The following VPS13B variants were observed in gnomAD, a reference collection of about 807,000 sequenced individuals.
The protein encoded by VPS13B is vacuolar protein sorting 13 homolog B, also known as intermembrane lipid transfer protein VPS13B.
VPS13B carries 285 observed loss-of-function variants against 426.4 expected under a neutral mutation model. The ratio of observed to expected loss-of-function variants is 0.67; its 90% confidence interval spans 0.61 to 0.74. The LOEUF (loss-of-function observed/expected upper bound fraction) is 0.74. VPS13B is among the 30% of genes least tolerant of loss of function. The pLI, the probability that VPS13B is intolerant of heterozygous loss-of-function variation, is 0.00. For synonymous variants in VPS13B, 1,676 were observed against 1,676.4 expected (o/e 1.00, Z 0.01); for missense variants, 4,537 against 4,782.6 (o/e 0.95, Z 1.51).
intron 17 of VPS13B, among the ~76,000 whole-genome samples, chr8:99,219,772 A>G (rs546350953): frequency 2.0e-5 from 3 of 152,290 alleles, no homozygotes; most frequent in African/African-American, 4.8e-5. Context: ...CCACCTTCCA[A>G]TACTGTCACA....
intron 35 of VPS13B, 90 bp downstream of exon 35, chr8:99,661,581 C>A (rs574826842): frequency 1.3e-6 from 2 of 1,493,708 alleles, no homozygotes; most frequent in African/African-American, 2.8e-5. Context: ...CTTGACATTC[C>A]GTGCAAAAAA....
At chr8:99,186,499 A>G (rs1813228400) in intron 16 of VPS13B, among the ~76,000 whole-genome samples, 1 of 152,068 alleles carries the variant, frequency 6.6e-6, no homozygotes. Context: ...TATTTTCTAC[A>G]TTTGTTAACC....
At chr8:99,841,717 G>A (rs1815693597) in intron 54 of VPS13B, among the ~76,000 whole-genome samples, 1 of 152,098 alleles carries the variant, frequency 6.6e-6, no homozygotes, top group Non-Finnish European at 1.5e-5. Context: ...CATCCAGTAG[G>A]CCACCAGCTT....
At chr8:99,130,457 G>A (rs1422873602) in intron 8 of VPS13B, among the ~76,000 whole-genome samples, 4 of 148,862 alleles carry the variant, frequency 2.7e-5, no homozygotes, top group African/African-American at 1.0e-4. Flanking sequence ...GCGCAGTCTC[G>A]GCTCACTGCA....
At chr8:99,156,800 A>T in intron 15 of VPS13B, 57 bp downstream of exon 15, 4 of 1,567,518 alleles carry the variant, frequency 2.6e-6, no homozygotes, top group Non-Finnish European at 3.5e-6. Flanking sequence ...GGATCATCAG[A>T]TAAGTTTCTT....
intron 42 of VPS13B, among the ~76,000 whole-genome samples, chr8:99,781,257 C>T (rs148891249): frequency 2.4e-3 from 366 of 152,208 alleles, no homozygotes; most frequent in Middle Eastern, 0.01. Context: ...ATGCCATTTG[C>T]AATTTGTTTT....
At chr8:99,841,556 A>G (rs902619565) in intron 54 of VPS13B, among the ~76,000 whole-genome samples, 1 of 152,198 alleles carries the variant, frequency 6.6e-6, no homozygotes, top group African/African-American at 2.4e-5. Context: ...TCCCTGTCAC[A>G]TCCTTTAAAA....
chr8:99,042,072 G>A (rs796153710), intron 3 of VPS13B, among the ~76,000 whole-genome samples: 5 of 151,838 alleles, frequency 3.3e-5, no homozygotes, highest in African/African-American at 7.2e-5. Flanking sequence ...CCCAGGAGGC[G>A]GAGGTTGTGG....
chr8:99,261,587 T>C (rs1818040238), intron 17 of VPS13B, among the ~76,000 whole-genome samples: 1 of 152,158 alleles, frequency 6.6e-6, no homozygotes, highest in Non-Finnish European at 1.5e-5. Flanking sequence ...CCAAAGAGTG[T>C]GAATACTGAA....
chr8:99,774,391 T>G (rs1263950220), intron 40 of VPS13B, among the ~76,000 whole-genome samples: 3 of 152,172 alleles, frequency 2.0e-5, no homozygotes, highest in Non-Finnish European at 4.4e-5. Flanking sequence ...AACCATTGCT[T>G]TGTGCATTCA....
intron 33 of VPS13B, among the ~76,000 whole-genome samples, chr8:99,621,624 CTA>C (rs1588558846): frequency 6.6e-6 from 1 of 152,046 alleles, no homozygotes; most frequent in East Asian, 1.9e-4. Flanking sequence ...GCAGAATTCG[CTA>C]TAACAGAATC....
At chr8:99,745,397 C>T (rs912557419) in intron 39 of VPS13B, among the ~76,000 whole-genome samples, 21 of 152,162 alleles carry the variant, frequency 1.4e-4, no homozygotes, top group Admixed American at 5.9e-4. Flanking sequence ...CATGGTTTCA[C>T]TTTCTGTGGT....
chr8:99,475,792 C>G (rs1172606017), intron 24 of VPS13B, among the ~76,000 whole-genome samples: 1 of 152,164 alleles, frequency 6.6e-6, no homozygotes, highest in Non-Finnish European at 1.5e-5. Flanking sequence ...ACCTGGTTCC[C>G]AGTGCCACCT....
At chr8:99,644,370 C>T (rs1026856800) in intron 34 of VPS13B, among the ~76,000 whole-genome samples, 3 of 152,114 alleles carry the variant, frequency 2.0e-5, no homozygotes, top group Non-Finnish European at 4.4e-5. Context: ...TGTGTTTATA[C>T]ATTTTCATCT....
At chr8:99,711,408 T>C (rs1832705639) in intron 36 of VPS13B, among the ~76,000 whole-genome samples, 1 of 152,194 alleles carries the variant, frequency 6.6e-6, no homozygotes, top group Admixed American at 6.6e-5. Context: ...TGTTCCTGTG[T>C]CCTCACTGCA....
At chr8:99,792,523 A>G (rs1351736779) in intron 43 of VPS13B, among the ~76,000 whole-genome samples, 2 of 152,140 alleles carry the variant, frequency 1.3e-5, no homozygotes, top group Non-Finnish European at 2.9e-5. Context: ...GTAAGGAGAG[A>G]GAGGCATAGA....
At chr8:99,200,717 T>C (rs1328956447) in intron 17 of VPS13B, among the ~76,000 whole-genome samples, 6 of 152,162 alleles carry the variant, frequency 3.9e-5, no homozygotes, top group Non-Finnish European at 8.8e-5. Flanking sequence ...ATTATTCAAA[T>C]CCTTTGCTTA....
intron 23 of VPS13B, among the ~76,000 whole-genome samples, chr8:99,445,049 C>A (rs1334532502): frequency 6.6e-6 from 1 of 151,964 alleles, no homozygotes; most frequent in African/African-American, 2.4e-5. Flanking sequence ...GAACTCCTGA[C>A]CTTGTGACTT....
chr8:99,665,643 A>G (rs1013827691), intron 35 of VPS13B, among the ~76,000 whole-genome samples: 9 of 152,012 alleles, frequency 5.9e-5, no homozygotes, highest in African/African-American at 2.2e-4. Flanking sequence ...ATGCAGCATT[A>G]TTTCTGAGGG....
Sources: gnomAD v4.1 joint callset for allele counts (sites outside exome capture counted in the v4.1 genomes callset) on GRCh38, gnomAD v4.1.1 for gene constraint, MANE v1.5 for transcripts, NCBI Gene and HGNC (gene_info 2026-07-23, HGNC 2026-07-21) for gene names.